Variants in RARB observed in about 807,000 individuals in gnomAD.
RARB encodes retinoic acid receptor beta.
A neutral mutation model predicts 51.9 loss-of-function variants in RARB; 17 were observed. The ratio of observed to expected loss-of-function variants is 0.33; its 90% CI spans 0.22 to 0.49. The LOEUF (loss-of-function observed/expected upper bound fraction) is 0.49, where lower values mean the gene tolerates loss of function less well. Among genes scored for constraint, RARB ranks in the 20% least tolerant of loss-of-function variants. The pLI, the probability that RARB is intolerant of heterozygous loss-of-function variation, is 0.99. For missense variants in RARB, 369 were observed against 550.8 expected (o/e 0.67, Z 3.30); for synonymous variants, 215 against 195.4 (o/e 1.10, Z -0.84).
chr3:24,997,023 C>T (rs1419922796), intron 2 of RARB, among the ~76,000 whole-genome samples: 1 of 152,118 alleles, frequency 6.6e-6, no homozygotes, highest in Non-Finnish European at 1.5e-5. Flanking sequence ...GTTTTTCTAT[C>T]TACACGATCC....
chr3:25,486,972 T>C (rs921316519), intron 2 of RARB, among the ~76,000 whole-genome samples: 2 of 152,226 alleles, frequency 1.3e-5, no homozygotes, highest in Admixed American at 6.5e-5. Context: ...ATACCTATGA[T>C]GACCTCTGAT....
chr3:25,249,043 C>G (rs1252276510), intron 5 of RARB, among the ~76,000 whole-genome samples: 2 of 152,084 alleles, frequency 1.3e-5, no homozygotes, highest in Non-Finnish European at 2.9e-5. Flanking sequence ...CTTTCATTTT[C>G]TCTTTGCCTG....
At chr3:25,405,095 T>G (rs716161) in intron 5 of RARB, among the ~76,000 whole-genome samples, 117,094 of 152,108 alleles carry the variant, frequency 0.77, 45,374 homozygotes, top group East Asian at 0.99. Flanking sequence ...TGAGATGCGA[T>G]CCCTGAGAGG....
chr3:24,926,738 T>C (rs1695329817), intron 2 of RARB, among the ~76,000 whole-genome samples: 1 of 151,712 alleles, frequency 6.6e-6, no homozygotes, highest in African/African-American at 2.4e-5. Context: ...ATATATAGCA[T>C]GCCCTTACAA....
intron 3 of RARB, among the ~76,000 whole-genome samples, chr3:25,554,258 GGTGA>G (rs1699963250): frequency 6.7e-6 from 1 of 149,466 alleles, no homozygotes; most frequent in Non-Finnish European, 1.5e-5. Context: ...AACATGAGGG[GGTGA>G]GTATTAATTG....
intron 2 of RARB, among the ~76,000 whole-genome samples, chr3:25,019,220 G>A (rs938047647): frequency 6.6e-6 from 1 of 152,066 alleles, no homozygotes; most frequent in African/African-American, 2.4e-5. Flanking sequence ...GAATGTTATT[G>A]TTATTTTTAA....
chr3:24,980,306 A>T (rs1696619560), intron 2 of RARB, among the ~76,000 whole-genome samples: 1 of 152,012 alleles, frequency 6.6e-6, no homozygotes, highest in South Asian at 2.1e-4. Flanking sequence ...CCTGAATTTG[A>T]ATGTTGTCCT....
intron 5 of RARB, among the ~76,000 whole-genome samples, chr3:25,332,288 C>G (rs896058365): frequency 6.6e-6 from 1 of 152,184 alleles, no homozygotes; most frequent in Non-Finnish European, 1.5e-5. Context: ...AAAATACTGG[C>G]AAACTGAATC....
chr3:25,268,309 C>A (rs1703172262), intron 5 of RARB, among the ~76,000 whole-genome samples: 1 of 151,704 alleles, frequency 6.6e-6, no homozygotes, highest in African/African-American at 2.4e-5. Flanking sequence ...TAATGTTGGA[C>A]CTATTCAGGT....
rs115678197 is a variant in RARB, at chr3:25,531,468, T to C, written c.448+30145T>C. On this transcript the variant is annotated intron_variant, in intron 3 of 7. Transcript: ENST00000330688. ...AGATTTATATATGTGTGTTTGTGTG[T>C]GTGCGTGCGTGTGTATATCTCAAAT... 8.7e-4 allele frequency among the ~76,000 whole-genome samples: 133 copies of C among 152,286 alleles called. 2 individuals carry two copies. Among genetic ancestry groups the C allele is most frequent in the African/African-American group, 2.8e-3 (115 of 41,548 alleles).
chr3:25,478,083 G>T (rs1022179893), intron 2 of RARB, among the ~76,000 whole-genome samples: 1 of 152,120 alleles, frequency 6.6e-6, no homozygotes, highest in African/African-American at 2.4e-5. Flanking sequence ...CTATTACATG[G>T]GGGCTCAGAG....
chr3:25,070,619 G>C (rs545321874), intron 3 of RARB, among the ~76,000 whole-genome samples: 8 of 152,294 alleles, frequency 5.3e-5, no homozygotes, highest in Admixed American at 3.9e-4. Flanking sequence ...AGTAATAATA[G>C]TAGCAAACCA....
chr3:25,357,686 G>C (rs966832989), intron 5 of RARB, among the ~76,000 whole-genome samples: 1 of 152,122 alleles, frequency 6.6e-6, no homozygotes, highest in Non-Finnish European at 1.5e-5. Flanking sequence ...GTTAATCTTT[G>C]TATAAGGTGT....
intron 3 of RARB, among the ~76,000 whole-genome samples, chr3:25,502,636 G>T (rs2125608054): frequency 6.6e-6 from 1 of 152,254 alleles, no homozygotes; most frequent in East Asian, 1.9e-4. Context: ...TGTATTTTAT[G>T]TTCCAGCCGC....
intron 3 of RARB, among the ~76,000 whole-genome samples, chr3:25,107,773 G>T (rs1699534153): frequency 6.6e-6 from 1 of 152,168 alleles, no homozygotes; most frequent in Non-Finnish European, 1.5e-5. Flanking sequence ...ACTAACTTCT[G>T]CAGTTTGAAG....
intron 2 of RARB, among the ~76,000 whole-genome samples, chr3:24,878,520 G>C (rs370655646): frequency 3.0e-3 from 459 of 152,246 alleles, no homozygotes; most frequent in African/African-American, 0.01. Flanking sequence ...AATGGTGAGA[G>C]TTACTCTAAA....
chr3:25,428,566 G>A lies in RARB; in HGVS notation c.-166G>A. 7.5e-7 allele frequency: 1 copy of A among 1,324,954 alleles called. No individual in the cohort carries two copies. Among genetic ancestry groups the A allele is most frequent in the Non-Finnish European group, 9.7e-7 (1 of 1,033,848 alleles). The allele number at this position is 1,324,954 out of a possible 1,614,324, so 82.1% of individuals were successfully genotyped here. ...CATTTGGATCAATTACAGGCTTTTA[G>A]CTGGCTTGTCTGTCATAATTCATGA... On this transcript the variant is annotated 5_prime_UTR_variant, in exon 1 of 8. Transcript: ENST00000330688.
intron 2 of RARB, among the ~76,000 whole-genome samples, chr3:25,013,871 T>A (rs1214714932): frequency 6.6e-6 from 1 of 152,068 alleles, no homozygotes; most frequent in East Asian, 1.9e-4. Context: ...GGAACACAAC[T>A]AAAACTAGCT....
intron 3 of RARB, among the ~76,000 whole-genome samples, chr3:25,114,071 T>C (rs1699646630): frequency 6.6e-6 from 1 of 152,202 alleles, no homozygotes; most frequent in Non-Finnish European, 1.5e-5. Flanking sequence ...GGTTTGTGTC[T>C]TGGGCATTTC....
Sources: gnomAD v4.1 joint callset for allele counts (sites outside exome capture counted in the v4.1 genomes callset) on GRCh38, gnomAD v4.1.1 for gene constraint, MANE v1.5 for transcripts, NCBI Gene and HGNC (gene_info 2026-07-23, HGNC 2026-07-21) for gene names.